Variants in SHROOM2 observed in about 807,000 individuals in gnomAD.
The protein encoded by SHROOM2 is protein Shroom2.
A neutral mutation model predicts 75.9 loss-of-function variants in SHROOM2; 33 were observed. The ratio of observed to expected loss-of-function variants is 0.43; its 90% confidence interval spans 0.33 to 0.58. The LOEUF is 0.58. Among genes scored for constraint, SHROOM2 ranks in the 20% least tolerant of loss-of-function variants. The pLI is 0.04. For missense variants in SHROOM2, 1,434 were observed against 1,461.2 expected, an observed-to-expected ratio of 0.98 and a Z score of 0.30; for synonymous variants, 655 against 663.6, an observed-to-expected ratio of 0.99 and a Z score of 0.20.
intron 1 of SHROOM2, among the ~76,000 whole-genome samples, chrX:9,792,109 T>C (rs1265302648): frequency 5.4e-5 from 1 of 18,376 alleles, no homozygotes; most frequent in Non-Finnish European, 1.3e-4. Context: ...TAGAATAGAA[T>C]AGAATAGAAT....
intron 3 of SHROOM2, among the ~76,000 whole-genome samples, chrX:9,892,115 A>G (rs2147013370): frequency 9.2e-6 from 1 of 108,822 alleles, no homozygotes; most frequent in African/African-American, 3.4e-5. Flanking sequence ...TTAGCTGGGC[A>G]TTGTGTGCAC....
At chrX:9,920,729 C>G (rs750169878) in intron 5 of SHROOM2, among the ~76,000 whole-genome samples, 4 of 111,551 alleles carry the variant, frequency 3.6e-5, no homozygotes, top group African/African-American at 1.3e-4. Flanking sequence ...CTGATTGTGC[C>G]CATATCAGAT....
chrX:9,837,433 C>T (rs185321295), intron 1 of SHROOM2, among the ~76,000 whole-genome samples: 2 of 112,640 alleles, frequency 1.8e-5, no homozygotes, highest in Non-Finnish European at 3.8e-5. Context: ...ACTGACAGTT[C>T]AAGGGATAGA....
intron 2 of SHROOM2, among the ~76,000 whole-genome samples, chrX:9,885,993 G>A (rs1362875918): frequency 9.1e-6 from 1 of 109,298 alleles, no homozygotes; most frequent in Non-Finnish European, 1.9e-5. Context: ...AAGAACTGCT[G>A]ACCGTGTCAT....
intron 1 of SHROOM2, among the ~76,000 whole-genome samples, chrX:9,817,486 T>G (rs1038408992): frequency 1.8e-5 from 2 of 111,956 alleles, no homozygotes; most frequent in Non-Finnish European, 3.8e-5. Flanking sequence ...AAAATGGTTG[T>G]TAATGTAATA....
At chrX:9,860,629 G>A (rs1022722782) in intron 1 of SHROOM2, among the ~76,000 whole-genome samples, 23 of 111,489 alleles carry the variant, frequency 2.1e-4, no homozygotes, top group African/African-American at 7.2e-4. Flanking sequence ...TCACCATGTT[G>A]CCCAAGCTGG....
intron 5 of SHROOM2, among the ~76,000 whole-genome samples, chrX:9,914,306 T>C (rs925303140): frequency 1.8e-5 from 2 of 109,635 alleles, no homozygotes; most frequent in Non-Finnish European, 3.8e-5. Flanking sequence ...CTGCTTGTTT[T>C]GCATGGGCTG....
Position 9,896,550 on chromosome X carries a change from A to G in SHROOM2, c.2642A>G (p.Lys881Arg), listed in dbSNP as rs1275647665. 15 of 1,209,844 alleles carry G rather than the reference A, an allele frequency of 1.2e-5. No individual in the cohort carries two copies. Among genetic ancestry groups the G allele is most frequent in the Middle Eastern group, 2.3e-4 (1 of 4,371 alleles). Residue 881 changes from lysine (K) to arginine (R), a missense_variant, in exon 4 of 10, where the codon AAG (lysine) becomes AGG (arginine). By Grantham distance (26) the Lys-to-Arg change is conservative. Coordinates refer to ENST00000380913, the MANE Select transcript of SHROOM2 (RefSeq NM_001649.4). ...TTTGCAGAGTATCAGGCCTCTTGGA[A>G]GGAACAGAGGAAACCTCTGGAGGCC... ...GTFAEYQASW[K>R]EQRKPLEARS...
intron 2 of SHROOM2, among the ~76,000 whole-genome samples, chrX:9,874,915 A>G (rs963726254): frequency 1.9e-5 from 2 of 105,315 alleles, no homozygotes; most frequent in African/African-American, 6.9e-5. Context: ...TCTCTCTCTC[A>G]AAAAATTTTT....
Position 9,895,434 on chromosome X carries a change from C to A in SHROOM2, c.1526C>A (p.Pro509Gln), listed in dbSNP as rs137866742. Residue 509 changes from proline (P) to glutamine (Q), a missense_variant, in exon 4 of 10, where the codon CCA becomes CAA. By Grantham distance (76) the Pro-to-Gln change is moderately conservative. Coordinates refer to ENST00000380913, the MANE Select transcript of SHROOM2 (RefSeq NM_001649.4). ...TALGALESLP[P>Q]PTVGQSPRHH... ...CTTGGAGCCCTCGAGAGTCTTCCCCCACCCACGGTGGGCCAGAGCCCACGC... is the reference window on the plus strand; with the variant it reads ...CTTGGAGCCCTCGAGAGTCTTCCCCAACCCACGGTGGGCCAGAGCCCACGC... 1.6e-4 allele frequency: 196 copies of A among 1,207,590 alleles called. 1 individual carries two copies. In the African/African-American group the frequency reaches 3.1e-3, roughly 19 times the overall value.
intron 1 of SHROOM2, among the ~76,000 whole-genome samples, chrX:9,856,996 A>T (rs1252375640): frequency 2.7e-5 from 3 of 112,234 alleles, no homozygotes; most frequent in African/African-American, 9.7e-5. Flanking sequence ...GCTGCCAGGG[A>T]TCCTCTGATA....
rs201285005 is a variant in SHROOM2 at position 9,944,683 on chromosome X, C to T, written c.4354C>T (p.Arg1452Trp). 5 of 1,208,652 alleles carry T rather than the reference C, an allele frequency of 4.1e-6. No homozygotes were observed. The highest frequency in any genetic ancestry group is 3.0e-5 in the East Asian group (1 of 33,688). ...ESISRKLQVL[R>W]EARESLLEDV... ...CATCAGCCGCAAGCTGCAGGTGCTC[C>T]GGGAGGCCCGCGAGAGCCTGCTGGA... Residue 1452 changes from arginine (R) to tryptophan (W), a missense_variant, in exon 9 of 10, where the codon CGG becomes TGG. Physicochemically the swap from Arg to Trp is moderately radical, Grantham distance 101. Around this residue, in one of 3 missense-constraint regions of SHROOM2, gnomAD observed 1,340 missense variants for 1,338.3 expected, o/e 1.00. Coordinates refer to ENST00000380913, the MANE Select transcript of SHROOM2 (RefSeq NM_001649.4).
intron 5 of SHROOM2, among the ~76,000 whole-genome samples, chrX:9,908,746 G>T (rs1392374383): frequency 9.1e-6 from 1 of 109,831 alleles, no homozygotes; most frequent in African/African-American, 3.3e-5. Flanking sequence ...GAGCCCAGGA[G>T]TTCAATACCA....
intron 1 of SHROOM2, among the ~76,000 whole-genome samples, chrX:9,861,858 A>T (rs952777714): frequency 9.0e-6 from 1 of 111,118 alleles, no homozygotes; most frequent in Non-Finnish European, 1.9e-5. Flanking sequence ...CCACCCTCTG[A>T]TGTGATTATT....
intron 2 of SHROOM2, among the ~76,000 whole-genome samples, chrX:9,877,825 A>C (rs896875146): frequency 5.7e-5 from 6 of 104,595 alleles, no homozygotes; most frequent in African/African-American, 2.1e-4. Context: ...TGATGCCCTC[A>C]AGCTGCTCCG....
rs767466138 is a variant in SHROOM2 at position 9,937,322 on chromosome X, G to A, written c.3776G>A (p.Arg1259His). 28 of 1,205,820 alleles carry A rather than the reference G, an allele frequency of 2.3e-5. No homozygotes were observed. Among genetic ancestry groups the A allele is most frequent in the East Asian group, 3.0e-5 (1 of 33,491 alleles). Residue 1259 changes from arginine to histidine, a missense_variant, in exon 7 of 10, where the codon CGC becomes CAC. By Grantham distance (29) the Arg-to-His change is conservative. This residue lies in a region of SHROOM2 where 1,340 missense variants were observed against 1,338.3 expected (regional missense o/e 1.00). Transcript: ENST00000380913. ...AGCACATCTGAGCAGTTCTACTCGC[G>A]CTTCTGTCTGTACACGCGGCAGGGT... ...TLSTSEQFYS[R>H]FCLYTRQGAE...
chrX:9,818,589 A>G lies in SHROOM2; in HGVS notation c.165+31879A>G, dbSNP rs930532937. 21 of 312,339 alleles carry G rather than the reference A, an allele frequency of 6.7e-5. No individual in the cohort carries two copies. In the Admixed American group the frequency reaches 8.2e-4, roughly 12 times the overall value. The allele number at this position is 312,339 out of a possible 1,213,427, so 25.7% of individuals were successfully genotyped here. The stretch of plus-strand genomic sequence containing the variant: ...CACGTAAAGCCATGAAGAAGGTACC[A>G]TTGAGCTTTTTTGTTGTTGTGACAA... On this transcript the variant is annotated intron_variant, in intron 1 of 9. Transcript: ENST00000380913.
chrX:9,894,694 G>A lies in SHROOM2; in HGVS notation c.786G>A (p.Glu262=). ...CCGCAGGCGACCCTCAGGGCTCGGAGGAGAAGCTCAGTTGTTTCCCGCCCA... is the reference window on the plus strand; with the variant it reads ...CCGCAGGCGACCCTCAGGGCTCGGAAGAGAAGCTCAGTTGTTTCCCGCCCA... ...AQAAGDPQGS[E]EKLSCFPPRV... Residue 262 remains glutamate (E), a synonymous_variant, in exon 4 of 10, where the codon GAG becomes GAA. Coordinates refer to ENST00000380913, the MANE Select transcript of SHROOM2 (RefSeq NM_001649.4). The A allele has an allele frequency of 8.3e-7, 1 of 1,210,634 alleles. No homozygotes were observed. The highest frequency in any genetic ancestry group is 1.7e-5 in the African/African-American group (1 of 57,992).
At chrX:9,937,780 T>A in intron 7 of SHROOM2, 95 bp downstream of exon 7, 2 of 812,470 alleles carry the variant, frequency 2.5e-6, no homozygotes, top group Non-Finnish European at 3.4e-6. Context: ...TTTTCATGCG[T>A]GCTTTTGGGG....
Sources: allele counts gnomAD v4.1 joint callset (sites outside exome capture counted in the v4.1 genomes callset), GRCh38; gene constraint gnomAD v4.1.1; regional missense constraint gnomAD v4.1.1; transcripts MANE v1.5; gene names NCBI Gene and HGNC (gene_info 2026-07-23, HGNC 2026-07-21).